The following JAKMIP3 variants were observed in gnomAD, a reference collection of about 807,000 sequenced individuals.
JAKMIP3 encodes the protein Janus kinase and microtubule interacting protein 3.
In JAKMIP3, 58 loss-of-function variants were observed where a neutral mutation model predicts 118.5. The observed-to-expected ratio is 0.49, with a 90% CI of 0.40 to 0.61. The LOEUF is 0.61. Ranked by LOEUF, JAKMIP3 falls within the 20% of genes least tolerant of loss-of-function variation. The pLI is 0.00. For missense variants in JAKMIP3, 950 were observed against 1,109.0 expected (o/e 0.86, Z 2.04); for synonymous variants, 486 against 451.2 (o/e 1.08, Z -0.98).
upstream of JAKMIP3, among the ~76,000 whole-genome samples, chr10:132,065,698 G>A (rs2038672658): frequency 6.6e-6 from 1 of 152,096 alleles, no homozygotes; most frequent in Admixed American, 6.5e-5. This position sits in a 1 kb window ranked among gnomAD's most constrained non-coding sequence, Gnocchi z 5.6. Context: ...GCCTTCGGCC[G>A]CCCGGCCGTG....
chr10:132,040,344 C>T (rs1051789455), intron 1 of JAKMIP3, among the ~76,000 whole-genome samples: 1 of 152,160 alleles, frequency 6.6e-6, no homozygotes, highest in Non-Finnish European at 1.5e-5. Flanking sequence ...GTTTAGGCTG[C>T]CTGGTCTGTG....
intron 23 of JAKMIP3, among the ~76,000 whole-genome samples, chr10:132,180,680 C>CGTGT (rs1296049208): frequency 2.0e-3 from 12 of 5,950 alleles, no homozygotes; most frequent in African/African-American, 7.9e-3. Flanking sequence ...TGTGTGCGCG[C>CGTGT]GCGTGTGTGT....
chr10:132,057,284 G>A (rs969074609), intron 1 of JAKMIP3, among the ~76,000 whole-genome samples: 5 of 152,298 alleles, frequency 3.3e-5, no homozygotes, highest in East Asian at 3.9e-4. Flanking sequence ...GGGAAGAGGC[G>A]TGCGCTGACT....
At chr10:132,085,645 C>A (rs192604126) in intron 1 of JAKMIP3, among the ~76,000 whole-genome samples, 1 of 151,896 alleles carries the variant, frequency 6.6e-6, no homozygotes, top group African/African-American at 2.4e-5. Context: ...GGACTACCAG[C>A]GCATGCCACC....
chr10:132,141,520 G>T (rs76767660), intron 10 of JAKMIP3, among the ~76,000 whole-genome samples: 10 of 152,172 alleles, frequency 6.6e-5, no homozygotes, highest in South Asian at 6.2e-4. Context: ...CCCAGGACGT[G>T]TTTCAGCAGA....
At chr10:132,132,414 C>T (rs773642720) in intron 3 of JAKMIP3, among the ~76,000 whole-genome samples, 3 of 152,166 alleles carry the variant, frequency 2.0e-5, no homozygotes, top group Admixed American at 6.5e-5. Context: ...CGGGGGCTGT[C>T]GGGTCTGCTG....
intron 9 of JAKMIP3, 131 bp from the exon 10 acceptor site, chr10:132,140,320 A>C: frequency 2.5e-6 from 3 of 1,210,718 alleles, no homozygotes; most frequent in Non-Finnish European, 3.4e-6. Context: ...GGCCTGTGCC[A>C]GGGACAGAGA....
At chr10:132,054,529 T>A (rs1046482297) in intron 1 of JAKMIP3, among the ~76,000 whole-genome samples, 5 of 151,356 alleles carry the variant, frequency 3.3e-5, no homozygotes, top group African/African-American at 1.2e-4. Flanking sequence ...ACAGGTGGGG[T>A]GTGTATGAGT....
chr10:132,082,897 C>T (rs369195815), intron 1 of JAKMIP3, among the ~76,000 whole-genome samples: 62 of 152,240 alleles, frequency 4.1e-4, no homozygotes, highest in Admixed American at 2.2e-3. Flanking sequence ...CGTGAACCAC[C>T]GCGCCCGGCC....
In JAKMIP3 at chr10:132,163,374, C is replaced by T; in HGVS notation, c.2386C>T (p.Leu796=). ...GCTGCGCGAGCGGGACGCCCAGATC[C>T]TGCGGGAGCGCATGGAGCTGCTGCA... ...SELRERDAQI[L]RERMELLQLA... The change falls in exon 20 of 24, where the codon CTG becomes TTG. Residue 796 remains leucine, a synonymous_variant. Coordinates refer to ENST00000684848, the MANE Select transcript of JAKMIP3 (RefSeq NM_001323087.2). 1 of 1,607,016 alleles carries T rather than the reference C, an allele frequency of 6.2e-7. No homozygotes were observed. The highest frequency in any genetic ancestry group is 8.5e-7 in the Non-Finnish European group (1 of 1,179,350).
chr10:132,137,075 T>C lies in JAKMIP3; in HGVS notation c.1173T>C (p.Ser391=), dbSNP rs1163484753. 4 of 1,613,820 alleles carry C rather than the reference T, an allele frequency of 2.5e-6. No individual in the cohort carries two copies. The highest frequency in any genetic ancestry group is 3.4e-6 in the Non-Finnish European group (4 of 1,179,840). ...RPSSLNDLDQ[S]QDEREVDFLK... ...GTTCCTTGAATGACCTTGATCAAAG[T>C]CAGGATGAGAGAGAAGTCGATTTCT... Residue 391 remains serine, a synonymous_variant, in exon 7 of 24, where the codon AGT becomes AGC. Coordinates refer to ENST00000684848, the MANE Select transcript of JAKMIP3 (RefSeq NM_001323087.2).
At chr10:132,156,457 G>A (rs1217491071) in intron 19 of JAKMIP3, among the ~76,000 whole-genome samples, 9 of 152,164 alleles carry the variant, frequency 5.9e-5, no homozygotes, top group African/African-American at 2.2e-4. Context: ...CCACTGCTGT[G>A]CAGCCACCAC....
In JAKMIP3 at chr10:132,183,544, T is replaced by G. The variant is rs1486704098; in HGVS notation, c.*2291T>G. 1 of 152,254 alleles carries G rather than the reference T, an allele frequency of 6.6e-6. No homozygotes were observed. The highest frequency in any genetic ancestry group is 1.5e-5 in the Non-Finnish European group (1 of 68,050). 9.4% of individuals were successfully genotyped at this position (152,254 alleles called of 1,614,324 possible). ...AAACTATACGGCAAAGAGAAGCATGTAAATATGTACCAAATCCTTATGAAG... is the reference window on the plus strand; with the variant it reads ...AAACTATACGGCAAAGAGAAGCATGGAAATATGTACCAAATCCTTATGAAG... On this transcript the variant is annotated 3_prime_UTR_variant, in exon 24 of 24. Coordinates refer to ENST00000684848, the MANE Select transcript of JAKMIP3 (RefSeq NM_001323087.2).
intron 9 of JAKMIP3, 91 bp downstream of exon 9, chr10:132,138,269 C>A: frequency 9.2e-7 from 1 of 1,089,704 alleles, no homozygotes; most frequent in Non-Finnish European, 1.3e-6. Context: ...CTGGTGTGTG[C>A]GGAGAGGGGT....
chr10:132,145,482 C>T (rs1237005391), intron 12 of JAKMIP3, 36 bp from the exon 13 acceptor site: 1 of 1,530,126 alleles, frequency 6.5e-7, no homozygotes. Flanking sequence ...GAGTTCCTCC[C>T]TCAGTGTCTT....
At chr10:132,073,982 T>C (rs1251546749) in intron 1 of JAKMIP3, among the ~76,000 whole-genome samples, 1 of 146,336 alleles carries the variant, frequency 6.8e-6, no homozygotes, top group Non-Finnish European at 1.5e-5. Context: ...TAATTTACAT[T>C]CCCACCAGCA....
intron 1 of JAKMIP3, among the ~76,000 whole-genome samples, chr10:132,096,671 CCT>C (rs2043907803): frequency 6.6e-6 from 1 of 151,966 alleles, no homozygotes; most frequent in African/African-American, 2.4e-5. Context: ...CAGCCTTCTG[CCT>C]CTGGATAGAT....
intron 1 of JAKMIP3, among the ~76,000 whole-genome samples, chr10:132,079,160 A>ACGGCCTGGGAGCGGACG (rs536672675): frequency 6.8e-6 from 1 of 146,506 alleles, no homozygotes; most frequent in South Asian, 2.3e-4. Context: ...CGGACGGCCC[A>ACGGCCTGGGAGCGGACG]GCCCCACAGC....
At chr10:132,055,828 G>T (rs1219939899) in intron 1 of JAKMIP3, among the ~76,000 whole-genome samples, 1 of 152,222 alleles carries the variant, frequency 6.6e-6, no homozygotes, top group African/African-American at 2.4e-5. Flanking sequence ...GGTGCAGAGA[G>T]CCCAGTAATT....
Sources: allele counts gnomAD v4.1 joint callset (sites outside exome capture counted in the v4.1 genomes callset), GRCh38; gene constraint gnomAD v4.1.1; non-coding constraint Gnocchi (gnomAD v3.1); transcripts MANE v1.5; gene names NCBI Gene and HGNC (gene_info 2026-07-23, HGNC 2026-07-21).